The following SMIM8 variants were observed in gnomAD, a reference collection of about 807,000 sequenced individuals.
SMIM8 encodes the protein small integral membrane protein 8.
A neutral mutation model predicts 8.1 loss-of-function variants in SMIM8; 8 were observed. The observed-to-expected ratio is 0.99, with a 90% CI of 0.58 to 1.78. The LOEUF (loss-of-function observed/expected upper bound fraction) is 1.78, where lower values mean the gene tolerates loss of function less well. Ranked by LOEUF, SMIM8 falls within the 40% of genes most tolerant of loss-of-function variation. The pLI is 0.00. For synonymous variants in SMIM8, 45 were observed against 39.7 expected (o/e 1.13, Z -0.50); for missense variants, 126 against 119.8 (o/e 1.05, Z -0.24).
Position 87,337,106 on chromosome 6 carries a change from C to A in SMIM8, c.75C>A (p.Leu25=). ...PKEKEFQSPG[L]RGVRTTTLFR... ...AGAAAGAGTTTCAAAGCCCAGGGCT[C>A]AGAGGGGTGCGCACAACAACCTTAT... Residue 25 remains leucine (L), a synonymous_variant, in exon 3 of 4, where the codon CTC becomes CTA. Coordinates refer to ENST00000392863, the MANE Select transcript of SMIM8 (RefSeq NM_001042493.3). The A allele has an allele frequency of 6.2e-7, 1 of 1,613,456 alleles. No homozygotes were observed. Among genetic ancestry groups the A allele is most frequent in the Non-Finnish European group, 8.5e-7 (1 of 1,179,630 alleles).
intron 1 of SMIM8, among the ~76,000 whole-genome samples, chr6:87,327,520 G>GT (rs1776858327): frequency 6.7e-6 from 1 of 149,702 alleles, no homozygotes; most frequent in South Asian, 2.1e-4. Flanking sequence ...ATGAAGCTTA[G>GT]TTTGGCTGGA....
intron 3 of SMIM8, 58 bp downstream of exon 3, chr6:87,337,224 T>G (rs1279282760): frequency 8.1e-6 from 12 of 1,483,138 alleles, no homozygotes; most frequent in South Asian, 1.5e-5. Context: ...TGTCAGAAAG[T>G]TCTAATTTTC....
intron 1 of SMIM8, among the ~76,000 whole-genome samples, chr6:87,328,209 C>T (rs917381219): frequency 3.3e-5 from 5 of 152,288 alleles, no homozygotes; most frequent in African/African-American, 4.8e-5. Context: ...AATTTCCTCC[C>T]GTAGCTCGGA....
At chr6:87,339,017 G>A (rs1000130638) in intron 3 of SMIM8, among the ~76,000 whole-genome samples, 3 of 149,756 alleles carry the variant, frequency 2.0e-5, no homozygotes, top group South Asian at 2.1e-4. Flanking sequence ...AACATACTGA[G>A]ACTCTATCTC....
At chr6:87,324,691 A>G (rs1184790373) in intron 1 of SMIM8, among the ~76,000 whole-genome samples, 6 of 151,588 alleles carry the variant, frequency 4.0e-5, no homozygotes, top group Admixed American at 6.6e-5. Flanking sequence ...TATACTTTGA[A>G]GTCAGGTAGT....
Position 87,341,129 on chromosome 6 carries a change from C to G in SMIM8, c.*855C>G. On this transcript the variant is annotated 3_prime_UTR_variant, in exon 4 of 4. Transcript: ENST00000392863. ...TATAGTTATTTAAAAACTACAACTA[C>G]TCAATGGATAAGGAATAGATAAGGT... 5.1e-6 allele frequency: 2 copies of G among 394,008 alleles called. No individual in the cohort carries two copies. The highest frequency in any genetic ancestry group is 8.9e-6 in the Non-Finnish European group (2 of 223,746). The allele number at this position is 394,008 out of a possible 1,614,324, so 24.4% of individuals were successfully genotyped here. A position where few individuals can be genotyped will look rare whatever the true frequency, so the allele number is the denominator to read the frequency against.
chr6:87,331,361 T>C (rs916826084), intron 2 of SMIM8, among the ~76,000 whole-genome samples: 2 of 152,244 alleles, frequency 1.3e-5, no homozygotes, highest in Non-Finnish European at 2.9e-5. Context: ...GTATTAGTTT[T>C]GTACTTGAAA....
chr6:87,323,548 G>A (rs1051424280), intron 1 of SMIM8, among the ~76,000 whole-genome samples: 2 of 151,358 alleles, frequency 1.3e-5, no homozygotes, highest in Admixed American at 6.6e-5. Context: ...TCTTGCGATA[G>A]TTTACTGAGA....
At chr6:87,338,443 A>G (rs1050531044) in intron 3 of SMIM8, among the ~76,000 whole-genome samples, 3 of 152,236 alleles carry the variant, frequency 2.0e-5, no homozygotes, top group Non-Finnish European at 4.4e-5. Flanking sequence ...GCTTTTCAGT[A>G]ATTTTCATTG....
At chr6:87,337,578 A>AT (rs1777140094) in intron 3 of SMIM8, among the ~76,000 whole-genome samples, 1 of 152,228 alleles carries the variant, frequency 6.6e-6, no homozygotes, top group Non-Finnish European at 1.5e-5. Context: ...TGTAGGTAAT[A>AT]TTTTTATCTA....
chr6:87,340,160 C>T lies in SMIM8; in HGVS notation c.180C>T (p.Cys60=), dbSNP rs752040103. The part of the protein sequence containing the change: ...MAFGLVTLSL[C]VAYIGYLHAI... ...TCGGATTGGTAACTCTTTCACTTTG[C>T]GTGGCATATATTGGTTATCTACATG... The change falls in exon 4 of 4, where the codon TGC becomes TGT. Residue 60 remains cysteine, a synonymous_variant. Transcript: ENST00000392863. 12 of 1,601,758 alleles carry T rather than the reference C, an allele frequency of 7.5e-6. No homozygotes were observed. In the East Asian group the frequency reaches 9.0e-5, roughly 12 times the overall value.
At chr6:87,328,255 CAA>C (rs1304416553) in intron 1 of SMIM8, among the ~76,000 whole-genome samples, 3 of 152,104 alleles carry the variant, frequency 2.0e-5, no homozygotes, top group Non-Finnish European at 4.4e-5. Flanking sequence ...CTCAGCTCGT[CAA>C]AGTCATTCTC....
intron 1 of SMIM8, among the ~76,000 whole-genome samples, chr6:87,325,578 G>A (rs1776797969): frequency 2.7e-5 from 4 of 150,222 alleles, no homozygotes; most frequent in Middle Eastern, 3.2e-3. Flanking sequence ...TTATTGATTT[G>A]CATATATTGA....
intron 1 of SMIM8, among the ~76,000 whole-genome samples, chr6:87,328,281 TCC>T (rs764138723): frequency 0.057 from 8,658 of 152,318 alleles, 331 homozygotes; most frequent in East Asian, 0.13. Flanking sequence ...CCAACTTTGT[TCC>T]GTTGCTCGTG....
intron 2 of SMIM8, among the ~76,000 whole-genome samples, chr6:87,332,582 T>G (rs889024333): frequency 1.3e-5 from 2 of 151,012 alleles, no homozygotes; most frequent in Non-Finnish European, 2.9e-5. Flanking sequence ...TATATAATTT[T>G]GGACATCAGG....
intron 1 of SMIM8, among the ~76,000 whole-genome samples, chr6:87,325,302 T>C: frequency 6.9e-6 from 1 of 145,638 alleles, no homozygotes; most frequent in African/African-American, 2.6e-5. Flanking sequence ...TCCAACACTA[T>C]GTTGAATAGG....
chr6:87,325,443 C>G (rs1171395503), intron 1 of SMIM8, among the ~76,000 whole-genome samples: 1 of 146,606 alleles, frequency 6.8e-6, no homozygotes, highest in Non-Finnish European at 1.5e-5. Context: ...TACGTCCCAT[C>G]AATACCTAAT....
At chr6:87,331,067 C>T (rs1776985593) in intron 2 of SMIM8, 1 of 152,146 alleles carries the variant, frequency 6.6e-6, no homozygotes, top group Non-Finnish European at 1.5e-5. Context: ...ACTGTTTTAA[C>T]ACAGTAAATG....
At chr6:87,330,164 CTTAAGTA>C (rs1259452286) in intron 1 of SMIM8, among the ~76,000 whole-genome samples, 3 of 152,092 alleles carry the variant, frequency 2.0e-5, no homozygotes, top group Non-Finnish European at 2.9e-5. Flanking sequence ...AAGTTAGTTT[CTTAAGTA>C]TTAAGATAAT....
Sources: allele counts gnomAD v4.1 joint callset (sites outside exome capture counted in the v4.1 genomes callset), GRCh38; gene constraint gnomAD v4.1.1; transcripts MANE v1.5; gene names NCBI Gene and HGNC (gene_info 2026-07-23, HGNC 2026-07-21).